HDGFL2: variants seen among roughly 807,000 people sequenced by gnomAD.
HDGFL2 encodes HDGF like 2, also known as hepatoma-derived growth factor-related protein 2.
HDGFL2 carries 36 observed loss-of-function variants against 77.1 expected under a neutral mutation model. That is an observed-to-expected ratio of 0.47 (90% CI 0.36 to 0.62). The LOEUF is 0.62. HDGFL2 is among the 20% of genes least tolerant of loss of function. The probability of loss-of-function intolerance (pLI) is 0.00; values close to 1 mark genes in which losing one functional copy is unlikely to be tolerated. For synonymous variants in HDGFL2, 463 were observed against 413.1 expected, an observed-to-expected ratio of 1.12 and a Z score of -1.46; for missense variants, 976 against 973.4, an observed-to-expected ratio of 1.00 and a Z score of -0.04.
intron 6 of HDGFL2, among the ~76,000 whole-genome samples, chr19:4,493,392 C>T (rs545747107): frequency 4.3e-4 from 66 of 151,846 alleles, no homozygotes; most frequent in Admixed American, 3.1e-3. Flanking sequence ...GATGTGGCCT[C>T]CGCACAAGAT....
At position 4,488,681 on chromosome 19, in the gene HDGFL2, G is replaced by C. The variant is rs1307860782; in HGVS notation, c.294G>C (p.Val98=). The change falls in exon 4 of 16, where the codon GTG becomes GTC. Residue 98 remains valine (V), a synonymous_variant. Coordinates refer to ENST00000616600, the MANE Select transcript of HDGFL2 (RefSeq NM_001001520.3). ...PHASYSAPPP[V]SSSDSEAPEA... is the part of the protein sequence containing the mutation. ...CTCTGCCCCGACTCCCACAGCCAGTGAGCTCCTCCGACAGCGAGGCCCCCG... is the reference window on the plus strand; with the variant it reads ...CTCTGCCCCGACTCCCACAGCCAGTCAGCTCCTCCGACAGCGAGGCCCCCG... 1 of 1,543,284 alleles carries C rather than the reference G, an allele frequency of 6.5e-7. No homozygotes were observed. Among genetic ancestry groups the C allele is most frequent in the South Asian group, 1.2e-5 (1 of 84,086 alleles).
Position 4,491,683 on chromosome 19 carries a change from G to GT in HDGFL2, c.606+2dup, listed in dbSNP as rs780144585. ...TGAGTCGGAGAAGACCAGCGACCAG[G>GT]TGGGCCAGTGGCTCCTTGGGATGGC... On this transcript the variant is annotated splice_donor_variant, in intron 5 of 15. Coordinates refer to ENST00000616600, the MANE Select transcript of HDGFL2 (RefSeq NM_001001520.3). LOFTEE classifies it high-confidence loss of function. 1 of 1,613,884 alleles carries GT rather than the reference G, an allele frequency of 6.2e-7. No homozygotes were observed. Among genetic ancestry groups the GT allele is most frequent in the African/African-American group, 1.3e-5 (1 of 74,950 alleles).
At position 4,495,191 on chromosome 19, in the gene HDGFL2, G is replaced by T. The variant is rs188867535; in HGVS notation, c.1224+716G>T. On this transcript the variant is annotated intron_variant, in intron 9 of 15. Transcript: ENST00000616600. The stretch of plus-strand genomic sequence containing the variant: ...TCACGAGGTGAGGAGATCAAGACCA[G>T]CCTGGCTAACACGGTGAAACCCTGT... Among the ~76,000 whole-genome samples the T allele has an allele frequency of 4.1e-3, 617 of 152,110 alleles. 1 individual carries two copies. Among genetic ancestry groups the T allele is most frequent in the African/African-American group, 0.014 (582 of 41,506 alleles).
chr19:4,482,968 A>T (rs1397265908), intron 3 of HDGFL2, among the ~76,000 whole-genome samples: 1 of 152,022 alleles, frequency 6.6e-6, no homozygotes, highest in Non-Finnish European at 1.5e-5. Context: ...TCATTCTCTG[A>T]GCTGCTACTC....
intron 6 of HDGFL2, among the ~76,000 whole-genome samples, chr19:4,493,429 CT>C (rs1229265481): frequency 1.3e-5 from 2 of 152,068 alleles, no homozygotes; most frequent in Non-Finnish European, 2.9e-5. Flanking sequence ...GATGTCCCCA[CT>C]GGGAAACCCG....
intron 3 of HDGFL2, among the ~76,000 whole-genome samples, chr19:4,482,242 C>T (rs1441430939): frequency 1.3e-5 from 2 of 151,298 alleles, no homozygotes; most frequent in South Asian, 4.2e-4. Context: ...TGGAGTCTCG[C>T]TCTGTTGCCC....
chr19:4,484,534 C>G (rs1011624417), intron 3 of HDGFL2, among the ~76,000 whole-genome samples: 1 of 151,502 alleles, frequency 6.6e-6, no homozygotes, highest in African/African-American at 2.4e-5. Flanking sequence ...AGTCTTCGCT[C>G]TGTTGCCCAG....
At position 4,498,525 on chromosome 19, in the gene HDGFL2, G is replaced by A. The variant is rs190407035; in HGVS notation, c.1473+149G>A. 31 of 681,042 alleles carry A rather than the reference G, an allele frequency of 4.6e-5. No homozygotes were observed. The Middle Eastern group carries it at 1.4e-3, about 31-fold the overall frequency. The allele number at this position is 681,042 out of a possible 1,614,324, so 42.2% of individuals were successfully genotyped here. A position where few individuals can be genotyped will look rare whatever the true frequency, so the allele number is the denominator to read the frequency against. ...TTCCGGTTGCTAGTGAGCGCATGGG[G>A]TCTCCTGGCCAAGGGCCCTGGGGGA... On this transcript the variant is annotated intron_variant, in intron 12 of 15. Coordinates refer to ENST00000616600, the MANE Select transcript of HDGFL2 (RefSeq NM_001001520.3).
intron 14 of HDGFL2, among the ~76,000 whole-genome samples, chr19:4,499,977 A>G (rs1975814655): frequency 6.6e-6 from 1 of 152,190 alleles, no homozygotes; most frequent in Admixed American, 6.5e-5. Context: ...ATGACAGCAC[A>G]CGCCTCCACC....
chr19:4,482,986 C>G (rs1171479933), intron 3 of HDGFL2, among the ~76,000 whole-genome samples: 1 of 152,166 alleles, frequency 6.6e-6, no homozygotes, highest in Non-Finnish European at 1.5e-5. Context: ...CTCCCCACCC[C>G]CAGCGCTTGT....
Position 4,498,919 on chromosome 19 carries a change from T to C in HDGFL2, c.1575+4T>C. On this transcript the variant is annotated splice_donor_region_variant and intron_variant, in intron 13 of 15. Transcript: ENST00000616600. ...CGTGGTGGCCACCTTGAAGAAGGTA[T>C]GGCGGGGGAATCAGAGGCGCAGGGT... 6.3e-7 allele frequency: 1 copy of C among 1,595,238 alleles called. No individual in the cohort carries two copies. Among genetic ancestry groups the C allele is most frequent in the Non-Finnish European group, 8.6e-7 (1 of 1,168,450 alleles).
chr19:4,495,602 G>A (rs12978494), intron 9 of HDGFL2, among the ~76,000 whole-genome samples: 1 of 151,590 alleles, frequency 6.6e-6, no homozygotes, highest in Non-Finnish European at 1.5e-5. Context: ...AACGGACAGA[G>A]CAGGCCGGGT....
chr19:4,499,630 AGGAGAAGCTGGCCGG>A lies in HDGFL2; in HGVS notation c.1720_1734del (p.Lys574_Glu578del), dbSNP rs782080861. 1.8e-4 allele frequency: 280 copies of A among 1,567,066 alleles called. No individual in the cohort carries two copies. Among genetic ancestry groups the A allele is most frequent in the Non-Finnish European group, 2.2e-4 (255 of 1,148,708 alleles). On this transcript the variant is annotated inframe_deletion, in exon 14 of 16. Transcript: ENST00000616600. The stretch of plus-strand genomic sequence containing the variant: ...GCTGGGATGGAGAAGGAGAAGGCCG[AGGAGAAGCTGGCCGG>A]GGAGGAGCTGGCCGGGGAGGAGGCC...
At chr19:4,497,895 G>T in intron 10 of HDGFL2, 63 bp from the exon 11 acceptor site, 1 of 1,438,254 alleles carries the variant, frequency 7.0e-7, no homozygotes. Flanking sequence ...CCCTTCAGGC[G>T]CCAGCCCCTC....
Position 4,499,575 on chromosome 19 carries a change from A to C in HDGFL2, c.1660A>C (p.Lys554Gln), listed in dbSNP as rs776879529. 4.3e-6 allele frequency: 7 copies of C among 1,613,232 alleles called. No homozygotes were observed. The highest frequency in any genetic ancestry group is 5.9e-6 in the Non-Finnish European group (7 of 1,179,706). Residue 554 changes from lysine (K) to glutamine (Q), a missense_variant, in exon 14 of 16, where the codon AAG (lysine) becomes CAG (glutamine). Physicochemically the swap from Lys to Gln is moderately conservative, Grantham distance 53 (BLOSUM62 1). Coordinates refer to ENST00000616600, the MANE Select transcript of HDGFL2 (RefSeq NM_001001520.3). Reference protein sequence around the residue: ...TRLKSRVLGPKIEAVQKVNKA... With the variant: ...TRLKSRVLGPQIEAVQKVNKA... ...GCTCAAGTCGCGGGTCCTCGGCCCA[A>C]AGATCGAGGCGGTGCAGAAAGTGAA...
chr19:4,501,795 C>G (rs913432102), intron 15 of HDGFL2, 116 bp from the exon 16 acceptor site: 4 of 704,904 alleles, frequency 5.7e-6, no homozygotes, highest in Non-Finnish European at 8.7e-6. Flanking sequence ...GGGCGGCACT[C>G]GAGCCTCAGG....
rs186395716 is a variant in HDGFL2, at chr19:4,499,214, C to T, written c.1576-277C>T. Among the ~76,000 whole-genome samples, 32 of 152,242 alleles carry T rather than the reference C, an allele frequency of 2.1e-4. 1 individual carries two copies. The highest frequency in any genetic ancestry group is 8.5e-4 in the Admixed American group (13 of 15,294). On this transcript the variant is annotated intron_variant, in intron 13 of 15. Transcript: ENST00000616600. The stretch of plus-strand genomic sequence containing the variant: ...TACAAAAATTAGCCAGGTGTGGTGG[C>T]GCACGCCTGTAATCCCAGCTACTCA...
intron 3 of HDGFL2, among the ~76,000 whole-genome samples, chr19:4,479,463 C>G (rs1975157079): frequency 6.6e-6 from 1 of 151,838 alleles, no homozygotes. Flanking sequence ...CACCTGTAGT[C>G]CCAGCTACTC....
At chr19:4,477,948 C>T (rs1411507787) in intron 3 of HDGFL2, among the ~76,000 whole-genome samples, 4 of 151,844 alleles carry the variant, frequency 2.6e-5, no homozygotes, top group Admixed American at 1.3e-4. Context: ...GGCGTGGTGG[C>T]AGGCGCCTAT....
Sources: allele counts gnomAD v4.1 joint callset (sites outside exome capture counted in the v4.1 genomes callset), GRCh38; gene constraint gnomAD v4.1.1; transcripts MANE v1.5; gene names NCBI Gene and HGNC (gene_info 2026-07-23, HGNC 2026-07-21).